Variants in CACUL1 observed in about 807,000 individuals in gnomAD.
The protein encoded by CACUL1 is CDK2 associated cullin domain 1.
In CACUL1, 13 loss-of-function variants were observed where a neutral mutation model predicts 45.2. The observed-to-expected ratio is 0.29, with a 90% CI of 0.19 to 0.46. CACUL1 has a LOEUF of 0.46. Among genes scored for constraint, CACUL1 ranks in the 20% least tolerant of loss-of-function variants. The pLI, the probability that CACUL1 is intolerant of heterozygous loss-of-function variation, is 1.00. For missense variants in CACUL1, 421 were observed against 471.4 expected, an observed-to-expected ratio of 0.89 and a Z score of 0.99; for synonymous variants, 197 against 174.2, an observed-to-expected ratio of 1.13 and a Z score of -1.03.
Position 118,704,373 on chromosome 10 carries a change from T to C in CACUL1, c.694-2965A>G, listed in dbSNP as rs552427794. The stretch of plus-strand genomic sequence containing the variant: ...CTATCCCTGCCACCAATGACAATCA[T>C]TATTAATTACCATAGCCTTCTCATT... On this transcript the variant is annotated intron_variant, in intron 4 of 8. Transcript: ENST00000369151. Among the ~76,000 whole-genome samples the C allele has an allele frequency of 2.8e-4, 43 of 152,314 alleles. 2 individuals are homozygous for C. The highest frequency in any genetic ancestry group is 7.3e-5 in the Non-Finnish European group (5 of 68,032).
intron 5 of CACUL1, 71 bp downstream of exon 5, chr10:118,701,235 A>T: frequency 1.1e-6 from 1 of 882,724 alleles, no homozygotes; most frequent in Non-Finnish European, 1.7e-6. Flanking sequence ...CAATGCTCTC[A>T]GACCAAAAAA....
chr10:118,716,081 A>C (rs1211056403), intron 3 of CACUL1, among the ~76,000 whole-genome samples: 1 of 151,934 alleles, frequency 6.6e-6, no homozygotes, highest in Non-Finnish European at 1.5e-5. Context: ...AAATACTAAA[A>C]ATTAGCCGGG....
At chr10:118,714,397 C>T (rs904063512) in intron 3 of CACUL1, among the ~76,000 whole-genome samples, 3 of 152,174 alleles carry the variant, frequency 2.0e-5, no homozygotes, top group Non-Finnish European at 4.4e-5. Flanking sequence ...GTATTAACAC[C>T]TATCTCATCA....
At chr10:118,745,857 G>C (rs150402731) in intron 1 of CACUL1, among the ~76,000 whole-genome samples, 1 of 151,942 alleles carries the variant, frequency 6.6e-6, no homozygotes, top group African/African-American at 2.4e-5. Flanking sequence ...AAGTAGTCTT[G>C]GCTGGGAATG....
intron 4 of CACUL1, among the ~76,000 whole-genome samples, chr10:118,703,060 G>A (rs1362799459): frequency 6.6e-6 from 1 of 152,062 alleles, no homozygotes; most frequent in African/African-American, 2.4e-5. Flanking sequence ...CTGAGCAGCT[G>A]GGATCACAGA....
At chr10:118,741,048 G>A (rs1385699687) in intron 1 of CACUL1, among the ~76,000 whole-genome samples, 1 of 152,076 alleles carries the variant, frequency 6.6e-6, no homozygotes, top group East Asian at 1.9e-4. Flanking sequence ...AAATTAAGCA[G>A]TAACAATATC....
At chr10:118,732,023 C>T (rs1393436168) in intron 1 of CACUL1, among the ~76,000 whole-genome samples, 2 of 152,130 alleles carry the variant, frequency 1.3e-5, no homozygotes, top group Non-Finnish European at 2.9e-5. Context: ...AGGAAGAGGC[C>T]AGACATGTAG....
intron 4 of CACUL1, among the ~76,000 whole-genome samples, chr10:118,704,102 T>C (rs1845410724): frequency 6.6e-6 from 1 of 151,998 alleles, no homozygotes; most frequent in African/African-American, 2.4e-5. Flanking sequence ...AATAAGGTAG[T>C]GGCTAGGTGG....
At chr10:118,686,270 TC>T (rs60645520) in intron 8 of CACUL1, 102 bp from the exon 9 acceptor site, 32,021 of 1,013,934 alleles carry the variant, frequency 0.032, 751 homozygotes, top group African/African-American at 0.065. Context: ...CTCTCCCAAC[TC>T]CCCAAAAAAG....
rs191562482 is a variant in CACUL1 at position 118,681,288 on chromosome 10, C to T, written c.*4840G>A. ...TAGTGAGTGGCAAAAGCCTCTTGCT[C>T]GTGCTTGCCCTCCAAATTTTTCATA... is the stretch of plus-strand genomic sequence containing the variant. On this transcript the variant is annotated 3_prime_UTR_variant, in exon 9 of 9. Coordinates refer to ENST00000369151, the MANE Select transcript of CACUL1 (RefSeq NM_153810.5). 6.6e-5 allele frequency: 10 copies of T among 152,352 alleles called. No homozygotes were observed. The highest frequency in any genetic ancestry group is 2.2e-4 in the African/African-American group (9 of 41,586). The allele number at this position is 152,352 out of a possible 1,614,324, so 9.4% of individuals were successfully genotyped here. A position where few individuals can be genotyped will look rare whatever the true frequency, so the allele number is the denominator to read the frequency against.
At chr10:118,701,106 G>A (rs1009114384) in intron 5 of CACUL1, among the ~76,000 whole-genome samples, 200 bp downstream of exon 5, 13 of 152,154 alleles carry the variant, frequency 8.5e-5, no homozygotes, top group African/African-American at 3.1e-4. Flanking sequence ...ACCTGGTCAA[G>A]GTGCTCACAG....
chr10:118,751,900 C>G (rs1361715612), intron 1 of CACUL1, among the ~76,000 whole-genome samples: 2 of 152,134 alleles, frequency 1.3e-5, no homozygotes, highest in Non-Finnish European at 1.5e-5. Context: ...CTTGCGTATT[C>G]ACGGGTTGAT....
intron 3 of CACUL1, among the ~76,000 whole-genome samples, chr10:118,728,638 A>G (rs1174174614): frequency 6.6e-6 from 1 of 152,206 alleles, no homozygotes; most frequent in Non-Finnish European, 1.5e-5. Flanking sequence ...TATAAAGATT[A>G]TTTGGTTGGT....
intron 8 of CACUL1, 47 bp from the exon 9 acceptor site, chr10:118,686,215 T>C (rs768509897): frequency 2.8e-6 from 4 of 1,454,128 alleles, no homozygotes; most frequent in East Asian, 2.3e-5. Flanking sequence ...CAGACAGCAT[T>C]TGATAACAGC....
chr10:118,689,527 AT>A (rs1845240960), intron 7 of CACUL1, among the ~76,000 whole-genome samples: 1 of 152,206 alleles, frequency 6.6e-6, no homozygotes, highest in African/African-American at 2.4e-5. Flanking sequence ...AGAGACAAAA[AT>A]TCCTATTTAT....
Position 118,676,808 on chromosome 10 carries a change from A to G in CACUL1, c.*9320T>C, listed in dbSNP as rs72641389. ...ATATGTATTGGTAACATATGTTCAA[A>G]TTTAAACATTTTAAAATATATATGT... On this transcript the variant is annotated 3_prime_UTR_variant, in exon 9 of 9. Transcript: ENST00000369151. 0.13 allele frequency: 19,638 copies of G among 150,850 alleles called. 1,502 individuals are homozygous for G. Among genetic ancestry groups the G allele is most frequent in the Admixed American group, 0.26 (3,984 of 15,118 alleles). The allele number at this position is 150,850 out of a possible 1,614,324, so 9.3% of individuals were successfully genotyped here.
rs1845377993 is a variant in CACUL1 at position 118,701,339 on chromosome 10, G to A, written c.763C>T (p.His255Tyr). ...KDDLIKLFTE[H>Y]VAEKHIYSLM... is the part of the protein sequence containing the mutation. ...CTGTAAATGTGCTTTTCTGCAACAT[G>A]TTCCGTAAACAGCTTTATAAGGTCA... Residue 255 changes from histidine (H) to tyrosine (Y), a missense_variant, in exon 5 of 9, where the codon CAT becomes TAT. His to Tyr is a moderately conservative substitution (Grantham distance 83). Transcript: ENST00000369151. The A allele has an allele frequency of 6.4e-7, 1 of 1,573,474 alleles. No homozygotes were observed.
rs748864509 is a variant in CACUL1, at chr10:118,754,638, G to C, written c.125C>G (p.Pro42Arg). The C allele has an allele frequency of 6.2e-7, 1 of 1,606,562 alleles. No individual in the cohort carries two copies. Among genetic ancestry groups the C allele is most frequent in the East Asian group, 2.3e-5 (1 of 44,308 alleles). The change falls in exon 1 of 9, where the codon CCC becomes CGC. Residue 42 changes from proline to arginine, a missense_variant. By Grantham distance (103) the Pro-to-Arg change is moderately radical (BLOSUM62 -2). Transcript: ENST00000369151. ...TCGGGCAGGGGCCGGGATCGACGAG[G>C]GGGGCGGCGGAGGTGGCAGGGGCTG... ...FRQPLPPPPPPSSIPAPAREP... is the reference protein window; with the variant it reads ...FRQPLPPPPPRSSIPAPAREP...
At chr10:118,710,090 A>ATTTTTTT (rs113369997) in intron 3 of CACUL1, among the ~76,000 whole-genome samples, 2 of 139,924 alleles carry the variant, frequency 1.4e-5, no homozygotes, top group Non-Finnish European at 3.2e-5. Flanking sequence ...TTTGTTTGGG[A>ATTTTTTT]TTTTTTTTTT....
Sources: allele counts gnomAD v4.1 joint callset (sites outside exome capture counted in the v4.1 genomes callset), GRCh38; gene constraint gnomAD v4.1.1; transcripts MANE v1.5; gene names NCBI Gene and HGNC (gene_info 2026-07-23, HGNC 2026-07-21).